HEG1: variants seen among roughly 807,000 people sequenced by gnomAD.
HEG1 encodes protein HEG homolog 1.
A neutral mutation model predicts 125.6 loss-of-function variants in HEG1; 56 were observed. That is an observed-to-expected ratio of 0.45 (90% CI 0.36 to 0.56). HEG1 has a LOEUF of 0.56. Ranked by LOEUF, HEG1 falls within the 20% of genes least tolerant of loss-of-function variation. The pLI is 0.00. For synonymous variants in HEG1, 644 were observed against 668.5 expected (o/e 0.96, Z 0.57); for missense variants, 1,523 against 1,670.0 (o/e 0.91, Z 1.53).
chr3:124,980,848 G>A (rs986088318), intron 14 of HEG1, among the ~76,000 whole-genome samples: 1 of 148,786 alleles, frequency 6.7e-6, no homozygotes, highest in Admixed American at 6.7e-5. Flanking sequence ...GCTTGTTTGT[G>A]CTTCTGGATA....
At chr3:124,982,964 TG>T (rs58920810) in intron 14 of HEG1, among the ~76,000 whole-genome samples, 3,935 of 152,224 alleles carry the variant, frequency 0.026, 168 homozygotes, top group African/African-American at 0.088. Flanking sequence ...CCCATCATGT[TG>T]TCTGGGAAGG....
At chr3:124,978,672 T>A (rs982715727) in intron 14 of HEG1, among the ~76,000 whole-genome samples, 2 of 152,130 alleles carry the variant, frequency 1.3e-5, no homozygotes, top group African/African-American at 4.8e-5. Context: ...CCTTTTATCA[T>A]GTGTAAATTA....
intron 1 of HEG1, among the ~76,000 whole-genome samples, chr3:125,033,662 C>T (rs935073955): frequency 5.3e-5 from 8 of 152,160 alleles, no homozygotes; most frequent in African/African-American, 1.9e-4. Flanking sequence ...GAATTGTATA[C>T]TTTCAAAGGG....
intron 8 of HEG1, 83 bp downstream of exon 8, chr3:125,009,622 G>T: frequency 7.3e-7 from 1 of 1,372,670 alleles, no homozygotes; most frequent in East Asian, 2.5e-5. Context: ...TACTGATTTT[G>T]GTTAGCAAGA....
chr3:124,971,789 CTTTT>C (rs10635471), intron 16 of HEG1, among the ~76,000 whole-genome samples: 3 of 128,480 alleles, frequency 2.3e-5, no homozygotes, highest in Non-Finnish European at 3.2e-5. Flanking sequence ...TGCGCCCGGC[CTTTT>C]TTTTTTTTTT....
intron 3 of HEG1, among the ~76,000 whole-genome samples, chr3:125,023,973 T>TG (rs58071803): frequency 2.6e-5 from 1 of 38,066 alleles, no homozygotes; most frequent in Non-Finnish European, 6.2e-5. Flanking sequence ...CTGAAGCAGC[T>TG]ATTTGAGAAA....
At position 125,013,381 on chromosome 3, in the gene HEG1, A is replaced by G. The variant is rs765734292; in HGVS notation, c.2198T>C (p.Val733Ala). ...TGACTGTGGCAAGGTTGTTTGTGAG[A>G]CAGAAAGTGGGGCAGATGTAGATGT... ...LTTSTSAPLS[V>A]SQTTLPQSSS... Residue 733 changes from valine (V) to alanine (A), a missense_variant, in exon 6 of 17, where the codon GTC becomes GCC. By Grantham distance (64) the Val-to-Ala change is moderately conservative. Transcript: ENST00000311127. 6.2e-7 allele frequency: 1 copy of G among 1,613,812 alleles called. No individual in the cohort carries two copies. The highest frequency in any genetic ancestry group is 8.5e-7 in the Non-Finnish European group (1 of 1,179,894).
intron 15 of HEG1, among the ~76,000 whole-genome samples, chr3:124,974,494 C>T (rs1365760826): frequency 6.6e-6 from 1 of 152,242 alleles, no homozygotes; most frequent in South Asian, 2.1e-4. Flanking sequence ...CCGGGCAGTG[C>T]TCTTTCTACT....
chr3:124,998,164 G>C (rs947878917), intron 11 of HEG1, among the ~76,000 whole-genome samples: 1 of 152,112 alleles, frequency 6.6e-6, no homozygotes, highest in Non-Finnish European at 1.5e-5. Flanking sequence ...TAATGGCCCC[G>C]TGTCTTCCAA....
At chr3:125,002,383 C>G (rs1174365859) in intron 9 of HEG1, 68 bp from the exon 10 acceptor site, 4 of 1,404,038 alleles carry the variant, frequency 2.8e-6, no homozygotes, top group Non-Finnish European at 4.0e-6. Context: ...GAACCAGTTT[C>G]CTATTTTCAG....
chr3:125,045,303 C>T (rs1431040972), intron 1 of HEG1, among the ~76,000 whole-genome samples: 2 of 152,242 alleles, frequency 1.3e-5, no homozygotes, highest in Non-Finnish European at 2.9e-5. Context: ...CTTCCTTCCC[C>T]TCGGCCTCCT....
chr3:125,020,575 C>CA (rs774714323), intron 4 of HEG1, among the ~76,000 whole-genome samples: 13 of 152,190 alleles, frequency 8.5e-5, no homozygotes, highest in Non-Finnish European at 1.8e-4. Context: ...CTTAAACACT[C>CA]AGAGCCGTAG....
intron 5 of HEG1, chr3:125,014,694 A>C: frequency 8.1e-7 from 1 of 1,238,758 alleles, no homozygotes; most frequent in Admixed American, 2.6e-5. Flanking sequence ...GTTAAAAGAG[A>C]CTGTGGAAGA....
intron 14 of HEG1, among the ~76,000 whole-genome samples, chr3:124,987,591 C>T (rs1036479220): frequency 6.7e-6 from 1 of 148,992 alleles, no homozygotes. Context: ...GGCGCTATCC[C>T]GGCTCACTGC....
chr3:125,020,896 C>T lies in HEG1; in HGVS notation c.1148G>A (p.Arg383Lys). ...TGGATTCCCAGTTACTCTACTGTTT[C>T]TTCTCGATTCCACTGCAGAGGGTGA... ...LLSPSAVESR[R>K]NSRVTGNPGD... The change falls in exon 4 of 17, where the codon AGA becomes AAA. Residue 383 changes from arginine (R) to lysine (K), a missense_variant. By Grantham distance (26) the Arg-to-Lys change is conservative. Transcript: ENST00000311127. 1 of 1,614,024 alleles carries T rather than the reference C, an allele frequency of 6.2e-7. No homozygotes were observed. The highest frequency in any genetic ancestry group is 8.5e-7 in the Non-Finnish European group (1 of 1,179,890).
chr3:124,987,952 C>CACACACATATATATATATATATATATAT, intron 14 of HEG1, among the ~76,000 whole-genome samples: 2 of 54,700 alleles, frequency 3.7e-5, no homozygotes, highest in Admixed American at 4.4e-4. Context: ...CACACACACA[C>CACACACATATATATATATATATATATAT]ATATATATAT....
Position 124,967,602 on chromosome 3 carries a change from G to A in HEG1, c.*3050C>T, listed in dbSNP as rs1340144741. 3 of 152,092 alleles carry A rather than the reference G, an allele frequency of 2.0e-5. No individual in the cohort carries two copies. The highest frequency in any genetic ancestry group is 2.0e-4 in the Admixed American group (3 of 15,256). 9.4% of individuals were successfully genotyped at this position (152,092 alleles called of 1,614,324 possible). ...TATTTAAGGTATACAGGATGGTGAG[G>A]GGTGTGCCAGGACAGTAAGGCAGGG... On this transcript the variant is annotated 3_prime_UTR_variant, in exon 17 of 17. Coordinates refer to ENST00000311127, the MANE Select transcript of HEG1 (RefSeq NM_020733.2).
chr3:125,042,199 G>A (rs1050853635), intron 1 of HEG1, among the ~76,000 whole-genome samples: 7 of 152,176 alleles, frequency 4.6e-5, no homozygotes, highest in Admixed American at 3.3e-4. Context: ...AGGCCGAGGC[G>A]GGTGGATCAC....
At chr3:125,010,921 A>G (rs1389429389) in intron 6 of HEG1, among the ~76,000 whole-genome samples, 2 of 152,222 alleles carry the variant, frequency 1.3e-5, no homozygotes, top group African/African-American at 2.4e-5. Flanking sequence ...GGGGAAAAGG[A>G]TCTCTGATCA....
Sources: allele counts gnomAD v4.1 joint callset (sites outside exome capture counted in the v4.1 genomes callset), GRCh38; gene constraint gnomAD v4.1.1; transcripts MANE v1.5; gene names NCBI Gene and HGNC (gene_info 2026-07-23, HGNC 2026-07-21).